The following FAM50B variants were observed in gnomAD, a reference collection of about 807,000 sequenced individuals.
The protein encoded by FAM50B is protein FAM50B.
In FAM50B, 9 loss-of-function variants were observed where a neutral mutation model predicts 25.4. The observed-to-expected ratio is 0.35, with a 90% CI of 0.21 to 0.62. The LOEUF (loss-of-function observed/expected upper bound fraction) is 0.62. Among genes scored for constraint, FAM50B ranks in the 20% least tolerant of loss-of-function variants. FAM50B has a pLI of 0.73. For missense variants in FAM50B, 372 were observed against 477.9 expected (o/e 0.78, Z 2.07); for synonymous variants, 212 against 204.3 (o/e 1.04, Z -0.32).
chr6:3,848,910 G>A (rs1581302701), upstream of FAM50B, among the ~76,000 whole-genome samples: 2 of 152,268 alleles, frequency 1.3e-5, no homozygotes, highest in South Asian at 4.1e-4. Flanking sequence ...CCATAAGAAA[G>A]AATTACAGGC....
the FAM50B span, among the ~76,000 whole-genome samples, chr6:3,840,017 G>C: frequency 5.3e-3 from 801 of 152,254 alleles, 8 homozygotes; most frequent in African/African-American, 0.018. Flanking sequence ...TTTTGAGACG[G>C]AGTCTCACTC....
chr6:3,838,030 C>T, the FAM50B span, among the ~76,000 whole-genome samples: 1 of 152,180 alleles, frequency 6.6e-6, no homozygotes, highest in Non-Finnish European at 1.5e-5. Context: ...AACTGGAACT[C>T]TCATATATTT....
chr6:3,845,274 C>T (rs1275911116), upstream of FAM50B, among the ~76,000 whole-genome samples: 1 of 152,146 alleles, frequency 6.6e-6, no homozygotes, highest in African/African-American at 2.4e-5. Flanking sequence ...GAATTTGAGG[C>T]TCAACCTTTT....
chr6:3,837,001 A>G, the FAM50B span, among the ~76,000 whole-genome samples: 46 of 152,214 alleles, frequency 3.0e-4, no homozygotes, highest in African/African-American at 1.1e-3. Flanking sequence ...CAGACTAGTC[A>G]CTTAAAGAAT....
chr6:3,839,917 G>A, the FAM50B span, among the ~76,000 whole-genome samples: 8 of 152,268 alleles, frequency 5.3e-5, no homozygotes, highest in African/African-American at 1.7e-4. Flanking sequence ...AGGCCGAGGC[G>A]GGTGGATCAG....
At chr6:3,849,550 C>T (rs1179896252) in intron 1 of FAM50B, 64 bp downstream of exon 1, 3 of 527,372 alleles carry the variant, frequency 5.7e-6, no homozygotes, top group Non-Finnish European at 9.7e-6. Flanking sequence ...GCGCTGCGCT[C>T]AGGCATGGCA....
upstream of FAM50B, among the ~76,000 whole-genome samples, chr6:3,848,151 G>A (rs1448832303): frequency 2.0e-5 from 3 of 152,232 alleles, no homozygotes; most frequent in African/African-American, 7.2e-5. Context: ...CATGCTGCTG[G>A]AAAAATGGAG....
upstream of FAM50B, among the ~76,000 whole-genome samples, chr6:3,845,279 C>G (rs1762108451): frequency 6.6e-6 from 1 of 152,140 alleles, no homozygotes; most frequent in South Asian, 2.1e-4. Context: ...TGAGGCTCAA[C>G]CTTTTAATTC....
chr6:3,848,582 AT>A (rs1476646003), upstream of FAM50B, among the ~76,000 whole-genome samples: 2 of 151,630 alleles, frequency 1.3e-5, no homozygotes, highest in African/African-American at 4.8e-5. Context: ...CGCAGTATGT[AT>A]TTCACAACCA....
rs1762189740 is a variant in FAM50B at position 3,850,140 on chromosome 6, G to C, written c.329G>C (p.Arg110Pro). ...GAGCGGCAGCGGGAGCAGGAGCAGC[G>C]GCGCGAGCGCAAGCGTAAGATCTCC... ...QQERQREQEQ[R>P]RERKRKISCL... The change falls in exon 2 of 2, where the codon CGG becomes CCG. Residue 110 changes from arginine (R) to proline (P), a missense_variant. By Grantham distance (103) the Arg-to-Pro change is moderately radical. This residue lies in a region of FAM50B where 224 missense variants were observed against 232.2 expected (regional missense o/e 0.96). Coordinates refer to ENST00000648326, the MANE Select transcript of FAM50B (RefSeq NM_012135.3). The C allele has an allele frequency of 1.9e-6, 3 of 1,610,892 alleles. No homozygotes were observed. The highest frequency in any genetic ancestry group is 2.5e-6 in the Non-Finnish European group (3 of 1,179,186).
At chr6:3,834,359 CA>C in the FAM50B span, among the ~76,000 whole-genome samples, 3,755 of 75,012 alleles carry the variant, frequency 0.05, 60 homozygotes, top group Admixed American at 0.11. Context: ...TGATATATGG[CA>C]AAAAAAAAAA....
chr6:3,839,386 T>C, the FAM50B span, among the ~76,000 whole-genome samples: 52,653 of 151,976 alleles, frequency 0.35, 9,809 homozygotes, highest in East Asian at 0.45. Context: ...CACTAGGTTC[T>C]TCCTCCCACA....
the FAM50B span, among the ~76,000 whole-genome samples, chr6:3,844,287 T>C: frequency 6.6e-6 from 1 of 152,182 alleles, no homozygotes; most frequent in Non-Finnish European, 1.5e-5. Flanking sequence ...CATTTCTGAG[T>C]CACTAGAACA....
chr6:3,834,125 C>G, the FAM50B span, among the ~76,000 whole-genome samples: 1 of 151,824 alleles, frequency 6.6e-6, no homozygotes, highest in African/African-American at 2.4e-5. Flanking sequence ...ACAGTATGTT[C>G]AGAACTAGAT....
the FAM50B span, among the ~76,000 whole-genome samples, chr6:3,839,919 G>A: frequency 2.0e-5 from 3 of 152,196 alleles, no homozygotes; most frequent in African/African-American, 7.2e-5. Context: ...GCCGAGGCGG[G>A]TGGATCAGGA....
chr6:3,834,811 T>G, the FAM50B span, among the ~76,000 whole-genome samples: 1 of 152,176 alleles, frequency 6.6e-6, no homozygotes. Flanking sequence ...AGTGTTACCA[T>G]GGAAAGAAGT....
At chr6:3,832,784 G>T in the FAM50B span, among the ~76,000 whole-genome samples, 2 of 152,194 alleles carry the variant, frequency 1.3e-5, no homozygotes, top group Non-Finnish European at 2.9e-5. Flanking sequence ...ATGCTGTTCT[G>T]CCCACAGTAA....
In FAM50B at chr6:3,850,624, C is replaced by G; in HGVS notation, c.813C>G (p.His271Gln). 1 of 1,614,152 alleles carries G rather than the reference C, an allele frequency of 6.2e-7. No homozygotes were observed. Among genetic ancestry groups the G allele is most frequent in the Non-Finnish European group, 8.5e-7 (1 of 1,180,046 alleles). Residue 271 changes from histidine to glutamine, a missense_variant, in exon 2 of 2, where the codon CAC becomes CAG. Around this residue, in one of 4 missense-constraint regions of FAM50B, gnomAD observed 27 missense variants for 61.6 expected, o/e 0.44. Coordinates refer to ENST00000648326, the MANE Select transcript of FAM50B (RefSeq NM_012135.3). ...KSGPLFSFDVHDDVRLLSDAT... is the reference protein window; with the variant it reads ...KSGPLFSFDVQDDVRLLSDAT... ...GGCCGCTCTTCAGCTTCGATGTGCA[C>G]GATGACGTGCGCCTGCTCAGCGACG...
At chr6:3,846,518 G>A (rs1017851814), upstream of FAM50B, among the ~76,000 whole-genome samples, 12 of 152,222 alleles carry the variant, frequency 7.9e-5, no homozygotes, top group Admixed American at 7.9e-4. Context: ...GATCAGGGTG[G>A]TGGTTGCCAA....
Sources: gnomAD v4.1 joint callset for allele counts (sites outside exome capture counted in the v4.1 genomes callset) on GRCh38, gnomAD v4.1.1 for gene constraint, gnomAD v4.1.1 regional missense constraint, MANE v1.5 for transcripts, NCBI Gene and HGNC (gene_info 2026-07-23, HGNC 2026-07-21) for gene names.